Variants in RSRC1 observed in about 807,000 individuals in gnomAD.
RSRC1 encodes the protein serine/Arginine-related protein 53.
RSRC1 carries 39 observed loss-of-function variants against 49.1 expected under a neutral mutation model. The observed-to-expected ratio is 0.79, with a 90% confidence interval of 0.61 to 1.04. The LOEUF (loss-of-function observed/expected upper bound fraction) is 1.04. Among genes scored for constraint, RSRC1 ranks in the 50% least tolerant of loss-of-function variants. The pLI is 0.00. For synonymous variants in RSRC1, 143 were observed against 130.8 expected (o/e 1.09, Z -0.63); for missense variants, 388 against 402.4 (o/e 0.96, Z 0.31).
chr3:158,324,235 A>ATT (rs10632209), intron 5 of RSRC1, among the ~76,000 whole-genome samples: 46,429 of 150,912 alleles, frequency 0.31, 7,323 homozygotes, highest in South Asian at 0.41. Flanking sequence ...CATTGTGCAA[A>ATT]TTTTTTTTTT....
At chr3:158,112,276 A>G (rs192746704) in intron 1 of RSRC1, among the ~76,000 whole-genome samples, 61 of 152,328 alleles carry the variant, frequency 4.0e-4, no homozygotes, top group African/African-American at 1.4e-3. Context: ...AGTTAAGTAT[A>G]AAGAATTCTT....
chr3:158,152,576 A>T (rs1415361648), intron 3 of RSRC1, among the ~76,000 whole-genome samples: 1 of 152,164 alleles, frequency 6.6e-6, no homozygotes, highest in Non-Finnish European at 1.5e-5. Context: ...TCCCATCAGT[A>T]TTCTCTTGGA....
At chr3:158,336,869 AG>A (rs1268798166) in intron 5 of RSRC1, 2 of 152,140 alleles carry the variant, frequency 1.3e-5, no homozygotes, top group Non-Finnish European at 2.9e-5. Context: ...TTTCTGTTGG[AG>A]GGCTCAGGAC....
At chr3:158,534,889 A>G (rs1712630786) in intron 7 of RSRC1, among the ~76,000 whole-genome samples, 1 of 151,464 alleles carries the variant, frequency 6.6e-6, no homozygotes, top group African/African-American at 2.4e-5. Context: ...AGAAAAGAAT[A>G]TACTTATATT....
At chr3:158,425,894 A>G (rs1389553384) in intron 6 of RSRC1, among the ~76,000 whole-genome samples, 11 of 151,792 alleles carry the variant, frequency 7.2e-5, no homozygotes, top group Admixed American at 7.2e-4. Context: ...GGAGCGGTGG[A>G]GATTTATCCT....
At chr3:158,310,642 A>C (rs114910152) in intron 5 of RSRC1, among the ~76,000 whole-genome samples, 3,396 of 151,888 alleles carry the variant, frequency 0.022, 55 homozygotes, top group Non-Finnish European at 0.036. Flanking sequence ...GAGTTTGATA[A>C]ATTTAGAGAA....
intron 5 of RSRC1, among the ~76,000 whole-genome samples, chr3:158,314,037 T>C (rs190214764): frequency 6.6e-6 from 1 of 152,270 alleles, no homozygotes; most frequent in East Asian, 1.9e-4. Flanking sequence ...ATAAGAAAGG[T>C]AGCAGTCCTG....
rs558267391 is a variant in RSRC1 at position 158,480,255 on chromosome 3, TATATC to T, written c.652+19254_652+19258del. Among the ~76,000 whole-genome samples the T allele has an allele frequency of 5.8e-4, 88 of 152,170 alleles. 2 individuals are homozygous for T. The South Asian group carries it at 8.1e-3, about 14-fold the overall frequency. ...AGCAATTATTATGGAAGAATAGTGA[TATATC>T]AAATTAATACAAATTATTTTGGATT... On this transcript the variant is annotated intron_variant, in intron 7 of 9. Transcript: ENST00000611884.
intron 6 of RSRC1, among the ~76,000 whole-genome samples, chr3:158,446,751 T>G (rs945269997): frequency 1.8e-4 from 27 of 152,072 alleles, no homozygotes; most frequent in African/African-American, 6.3e-4. Context: ...CTGCCATTAC[T>G]ATTGCTTAAT....
chr3:158,364,087 G>GGT (rs1459186624), intron 6 of RSRC1, among the ~76,000 whole-genome samples: 10 of 152,140 alleles, frequency 6.6e-5, no homozygotes, highest in Admixed American at 6.5e-4. Flanking sequence ...GCCAAGTCCT[G>GGT]ACCCTTTCTC....
At chr3:158,505,073 T>G (rs1438624552) in intron 7 of RSRC1, among the ~76,000 whole-genome samples, 5 of 152,244 alleles carry the variant, frequency 3.3e-5, no homozygotes, top group Admixed American at 6.5e-5. Context: ...ATCAATAAAC[T>G]TAACAGTTGT....
intron 7 of RSRC1, among the ~76,000 whole-genome samples, chr3:158,482,169 A>C (rs768666346): frequency 6.6e-6 from 1 of 152,040 alleles, no homozygotes; most frequent in Non-Finnish European, 1.5e-5. Context: ...GAATTAACAA[A>C]TTAGTTTGAT....
chr3:158,494,403 G>A (rs1038161578), intron 7 of RSRC1, among the ~76,000 whole-genome samples: 3 of 152,224 alleles, frequency 2.0e-5, no homozygotes, highest in Non-Finnish European at 1.5e-5. Flanking sequence ...CTCTAGGCAA[G>A]TCAGTGAGTG....
intron 7 of RSRC1, among the ~76,000 whole-genome samples, chr3:158,517,755 A>ATTTTTTTTTTTTTTT (rs766129663): frequency 2.0e-4 from 7 of 35,182 alleles, no homozygotes; most frequent in South Asian, 1.6e-3. Context: ...CACCCAGCTA[A>ATTTTTTTTTTTTTTT]TTTTTTTTTT....
chr3:158,507,320 A>G (rs1170897576), intron 7 of RSRC1, among the ~76,000 whole-genome samples: 2 of 152,188 alleles, frequency 1.3e-5, no homozygotes. Flanking sequence ...TTGATAGTAC[A>G]GTAGGGAAAC....
intron 5 of RSRC1, among the ~76,000 whole-genome samples, chr3:158,310,847 A>G (rs1018136957): frequency 1.3e-5 from 2 of 151,754 alleles, no homozygotes; most frequent in African/African-American, 4.8e-5. Context: ...TCATATGTCA[A>G]AATTTACAAT....
At chr3:158,451,354 T>C (rs1202781591) in intron 6 of RSRC1, among the ~76,000 whole-genome samples, 1 of 152,002 alleles carries the variant, frequency 6.6e-6, no homozygotes, top group Non-Finnish European at 1.5e-5. Flanking sequence ...GCTGATATTA[T>C]AACTATTATT....
chr3:158,484,868 T>A lies in RSRC1; in HGVS notation c.652+23865T>A, dbSNP rs1028189712. Reference sequence around the variant, plus strand: ...ATTCTTCAGTAAAATGAAATGGTTCTAGTTTTAGCTTTTCCAGTTATAGCA... The same window carrying A: ...ATTCTTCAGTAAAATGAAATGGTTCAAGTTTTAGCTTTTCCAGTTATAGCA... On this transcript the variant is annotated intron_variant, in intron 7 of 9. Transcript: ENST00000611884. Among the ~76,000 whole-genome samples, 4 of 152,256 alleles carry A rather than the reference T, an allele frequency of 2.6e-5. 1 individual carries two copies. Among genetic ancestry groups the A allele is most frequent in the Middle Eastern group, 6.8e-3 (2 of 294 alleles).
At chr3:158,217,294 T>C (rs1721993363) in intron 4 of RSRC1, among the ~76,000 whole-genome samples, 1 of 151,654 alleles carries the variant, frequency 6.6e-6, no homozygotes, top group Non-Finnish European at 1.5e-5. Context: ...GAAACAACAT[T>C]AGACTGGTAT....
Sources: gnomAD v4.1 joint callset for allele counts (sites outside exome capture counted in the v4.1 genomes callset) on GRCh38, gnomAD v4.1.1 for gene constraint, MANE v1.5 for transcripts, NCBI Gene and HGNC (gene_info 2026-07-23, HGNC 2026-07-21) for gene names.